ACOT1: variants seen among roughly 807,000 people sequenced by gnomAD.
ACOT1 encodes acyl-CoA thioesterase 1, also known as acyl-coenzyme A thioesterase 1.
ACOT1 carries 8 observed loss-of-function variants against 15.7 expected under a neutral mutation model. That is an observed-to-expected ratio of 0.51 (90% CI 0.30 to 0.92). The LOEUF (loss-of-function observed/expected upper bound fraction) is 0.92, where lower values mean the gene tolerates loss of function less well. Among genes scored for constraint, ACOT1 ranks in the 40% least tolerant of loss-of-function variants. The pLI, the probability that ACOT1 is intolerant of heterozygous loss-of-function variation, is 0.06. For synonymous variants in ACOT1, 67 were observed against 241.2 expected (o/e 0.28, Z 6.69); for missense variants, 151 against 539.4 (o/e 0.28, Z 7.13).
intron 1 of ACOT1, among the ~76,000 whole-genome samples, chr14:73,538,135 G>GAGTT (rs1254465098): frequency 1.7e-5 from 2 of 114,388 alleles, no homozygotes; most frequent in African/African-American, 5.7e-5. Context: ...CCTTTGAGGG[G>GAGTT]AGTTACACTT....
the ACOT1 span, chr14:73,506,489 C>A: frequency 6.2e-7 from 1 of 1,613,586 alleles, no homozygotes; most frequent in Non-Finnish European, 8.5e-7. Flanking sequence ...TCCACTGATC[C>A]GGGAGAAAGC....
At chr14:73,518,695 ATGCACTTTCCCTGTTAGG>A in the ACOT1 span, among the ~76,000 whole-genome samples, 1 of 152,100 alleles carries the variant, frequency 6.6e-6, no homozygotes, top group Admixed American at 6.6e-5. Flanking sequence ...CAGGAGTTTG[ATGCACTTTCCCTGTTAGG>A]TGCACTTTCC....
At chr14:73,515,091 A>G in the ACOT1 span, among the ~76,000 whole-genome samples, 1 of 151,832 alleles carries the variant, frequency 6.6e-6, no homozygotes, top group Non-Finnish European at 1.5e-5. Context: ...CAAAAAAAAA[A>G]CTATAGTTAT....
chr14:73,516,869 A>G, the ACOT1 span, among the ~76,000 whole-genome samples: 2 of 152,332 alleles, frequency 1.3e-5, no homozygotes, highest in East Asian at 3.9e-4. Flanking sequence ...AGGTGGAACC[A>G]TTTCATCCTC....
At chr14:73,512,820 T>G in the ACOT1 span, among the ~76,000 whole-genome samples, 5 of 152,326 alleles carry the variant, frequency 3.3e-5, no homozygotes, top group South Asian at 1.0e-3. Flanking sequence ...TCCTTCAGTC[T>G]TTTTTGTTAT....
At chr14:73,497,860 A>G in the ACOT1 span, among the ~76,000 whole-genome samples, 1 of 152,194 alleles carries the variant, frequency 6.6e-6, no homozygotes. Flanking sequence ...TCCCGACCTC[A>G]GGTGATCCTC....
chr14:73,523,032 C>G, the ACOT1 span: 1 of 1,614,190 alleles, frequency 6.2e-7, no homozygotes, highest in South Asian at 1.1e-5. Context: ...GAGACAGAGG[C>G]ACACTCCTCC....
At chr14:73,529,379 T>A in the ACOT1 span, among the ~76,000 whole-genome samples, 40 of 116,818 alleles carry the variant, frequency 3.4e-4, 1 homozygote, top group Admixed American at 9.7e-4. Flanking sequence ...AAAAAAAAAT[T>A]AAGTCAATCC....
At chr14:73,501,310 A>G in the ACOT1 span, among the ~76,000 whole-genome samples, 1 of 151,908 alleles carries the variant, frequency 6.6e-6, no homozygotes, top group Admixed American at 6.6e-5. Flanking sequence ...TATTTTTAGT[A>G]GAGATGGGGT....
chr14:73,506,802 C>CCGGTTTTTTT, the ACOT1 span, among the ~76,000 whole-genome samples: 1 of 58,056 alleles, frequency 1.7e-5, no homozygotes, highest in South Asian at 5.0e-4. Flanking sequence ...CTGACTTTAA[C>CCGGTTTTTTT]TGTTTTTTTT....
upstream of ACOT1, among the ~76,000 whole-genome samples, chr14:73,532,622 C>T (rs1888739747): frequency 1.7e-5 from 2 of 115,072 alleles, 1 homozygote; most frequent in South Asian, 5.5e-4. Context: ...GATGGTTGGA[C>T]CACCATAAAA....
At chr14:73,522,378 G>A in the ACOT1 span, 2 of 1,614,230 alleles carry the variant, frequency 1.2e-6, no homozygotes, top group Non-Finnish European at 1.7e-6. Flanking sequence ...AGCTGTTTCA[G>A]GAGCTCCAGG....
At chr14:73,500,125 G>T in the ACOT1 span, among the ~76,000 whole-genome samples, 3 of 152,136 alleles carry the variant, frequency 2.0e-5, no homozygotes, top group Non-Finnish European at 2.9e-5. Flanking sequence ...AGCTACACAG[G>T]AGGCTGAGGC....
the ACOT1 span, chr14:73,491,431 G>C: frequency 3.9e-5 from 53 of 1,349,478 alleles, no homozygotes; most frequent in Non-Finnish European, 4.7e-5. Context: ...TGCCCGCCGC[G>C]CCGGTCCGGG....
the ACOT1 span, chr14:73,519,297 C>T: frequency 9.1e-5 from 68 of 743,736 alleles, no homozygotes; most frequent in African/African-American, 1.1e-3. Flanking sequence ...GACTGCCATA[C>T]TCTGGGGCAT....
chr14:73,506,519 T>C, the ACOT1 span: 1 of 1,613,898 alleles, frequency 6.2e-7, no homozygotes, highest in African/African-American at 1.3e-5. Flanking sequence ...CACAATCCGG[T>C]TCTTCCATTG....
chr14:73,538,802 T>C (rs1888973323), intron 1 of ACOT1, among the ~76,000 whole-genome samples: 1 of 112,292 alleles, frequency 8.9e-6, no homozygotes, highest in African/African-American at 2.9e-5. Flanking sequence ...ACCCCGTCTC[T>C]ACTAAAAATA....
At chr14:73,502,600 T>A in the ACOT1 span, among the ~76,000 whole-genome samples, 20 of 151,736 alleles carry the variant, frequency 1.3e-4, no homozygotes, top group African/African-American at 4.6e-4. Context: ...CAGGCTGGAG[T>A]GCAGTGGCGC....
the ACOT1 span, chr14:73,511,904 T>C: frequency 6.9e-7 from 1 of 1,441,392 alleles, no homozygotes; most frequent in Non-Finnish European, 9.6e-7. Context: ...GTTTCCACAT[T>C]TGTAAAATGA....
Sources: allele counts gnomAD v4.1 joint callset (sites outside exome capture counted in the v4.1 genomes callset), GRCh38; gene constraint gnomAD v4.1.1; transcripts MANE v1.5; gene names NCBI Gene and HGNC (gene_info 2026-07-23, HGNC 2026-07-21).